The following NBPF4 variants were observed in gnomAD, a reference collection of about 807,000 sequenced individuals.
NBPF4 encodes the protein NBPF member 4, also known as NBPF family member NBPF4.
NBPF4 carries 11 observed loss-of-function variants against 21.1 expected under a neutral mutation model. That is an observed-to-expected ratio of 0.52 (90% CI 0.33 to 0.86). The LOEUF (loss-of-function observed/expected upper bound fraction) is 0.86, where lower values mean the gene tolerates loss of function less well. Ranked by LOEUF, NBPF4 falls within the 40% of genes least tolerant of loss-of-function variation. The pLI is 0.03. For synonymous variants in NBPF4, 47 were observed against 106.4 expected (o/e 0.44, Z 3.43); for missense variants, 88 against 265.3 (o/e 0.33, Z 4.64).
intron 14 of NBPF4, among the ~76,000 whole-genome samples, chr1:108,224,494 G>C (rs1303966877): frequency 6.9e-6 from 1 of 145,952 alleles, no homozygotes; most frequent in Admixed American, 7.0e-5. Flanking sequence ...CTGTTTCTTT[G>C]GTTGGTTAAA....
In NBPF4 at chr1:108,225,883, GGA is replaced by G. The variant is rs566195709; in HGVS notation, c.1875+794_1875+795del. On this transcript the variant is annotated intron_variant, in intron 14 of 14. Coordinates refer to ENST00000415641, the MANE Select transcript of NBPF4 (RefSeq NM_001143989.3). ...TGAAAAGTGGAAATGAGAATAAAAA[GGA>G]GAGAGGTTAGAATGACGTACCTCAT... Among the ~76,000 whole-genome samples, 7 of 66,506 alleles carry G rather than the reference GGA, an allele frequency of 1.1e-4. No homozygotes were observed. The Admixed American group carries it at 1.5e-3, about 14-fold the overall frequency. 43.6% of individuals were successfully genotyped at this position (66,506 alleles called of 152,430 possible). A position where few individuals can be genotyped will look rare whatever the true frequency, so the allele number is the denominator to read the frequency against.
At chr1:108,258,759 G>A in the NBPF4 span, among the ~76,000 whole-genome samples, 46 of 108,880 alleles carry the variant, frequency 4.2e-4, no homozygotes, top group South Asian at 2.9e-3. Context: ...TCCCATGTGC[G>A]TGTCTGTTTA....
the NBPF4 span, among the ~76,000 whole-genome samples, chr1:108,256,485 T>C: frequency 2.4e-5 from 3 of 125,284 alleles, no homozygotes; most frequent in South Asian, 3.4e-4. Flanking sequence ...TTCCTTCCTT[T>C]TTCTCTTTCT....
At chr1:108,229,185 C>A (rs550221758) in intron 12 of NBPF4, 29 bp from the exon 13 acceptor site, 19 of 1,482,770 alleles carry the variant, frequency 1.3e-5, no homozygotes, top group Non-Finnish European at 1.7e-5. Context: ...TCAGTAGGAA[C>A]AATCTCAGTT....
At chr1:108,228,896 T>C in intron 13 of NBPF4, 24 bp downstream of exon 13, 3 of 1,276,030 alleles carry the variant, frequency 2.4e-6, no homozygotes, top group Non-Finnish European at 3.3e-6. Context: ...GATTAGAGCT[T>C]CATGACGCCG....
the NBPF4 span, among the ~76,000 whole-genome samples, chr1:108,252,972 A>C: frequency 1.7e-4 from 6 of 34,324 alleles, 1 homozygote; most frequent in African/African-American, 8.3e-4. Flanking sequence ...TCCTAGCCAG[A>C]GCAATCAGGC....
the NBPF4 span, among the ~76,000 whole-genome samples, chr1:108,256,526 T>TCCCTC: frequency 9.7e-5 from 9 of 92,544 alleles, no homozygotes; most frequent in East Asian, 3.2e-4. Flanking sequence ...TCTCTTTCTC[T>TCCCTC]CCCTCCCCTC....
rs561956445 is a variant in NBPF4, at chr1:108,229,036, C to T, written c.1544G>A (p.Arg515Gln). 7.1e-6 allele frequency: 11 copies of T among 1,550,478 alleles called. No individual in the cohort carries two copies. The highest frequency in any genetic ancestry group is 4.9e-5 in the East Asian group (2 of 40,876). ...GTGGAACCCTTGATCCAGCTGTAGT[C>T]GCAGACAACTGGGCACCAGGGTGCT... ...EPSTLVPSCL[R>Q]LQLDQGFHCG... Residue 515 changes from arginine to glutamine, a missense_variant, in exon 13 of 15, where the codon CGA becomes CAA. By Grantham distance (43) the Arg-to-Gln change is conservative. Around this residue, in one of 4 missense-constraint regions of NBPF4, gnomAD observed 60 missense variants for 86.5 expected, o/e 0.69. Transcript: ENST00000415641.
chr1:108,267,117 A>AT, the NBPF4 span, among the ~76,000 whole-genome samples: 6 of 114,116 alleles, frequency 5.3e-5, no homozygotes, highest in African/African-American at 1.9e-4. Context: ...ATTCCTATTA[A>AT]TTTTTTTGTC....
chr1:108,229,014 G>A lies in NBPF4; in HGVS notation c.1566C>T (p.Phe522=). The A allele has an allele frequency of 6.5e-7, 1 of 1,547,396 alleles. No homozygotes were observed. Residue 522 remains phenylalanine, a synonymous_variant, in exon 13 of 15, where the codon TTC becomes TTT. Coordinates refer to ENST00000415641, the MANE Select transcript of NBPF4 (RefSeq NM_001143989.3). ...GCTGGGCCAAGCCGTTCCCACAGTG[G>A]AACCCTTGATCCAGCTGTAGTCGCA... is the stretch of plus-strand genomic sequence containing the variant. The part of the protein sequence containing the change: ...SCLRLQLDQG[F]HCGNGLAQRG...
intron 9 of NBPF4, among the ~76,000 whole-genome samples, chr1:108,234,959 T>C (rs1649665152): frequency 1.2e-5 from 1 of 82,354 alleles, no homozygotes; most frequent in African/African-American, 5.6e-5. Flanking sequence ...CTCAGGCTGG[T>C]TGACACCATA....
At position 108,223,534 on chromosome 1, in the gene NBPF4, T is replaced by A. The variant is rs1558038014; in HGVS notation, c.*171A>T. On this transcript the variant is annotated 3_prime_UTR_variant, in exon 15 of 15. Transcript: ENST00000415641. The stretch of plus-strand genomic sequence containing the variant: ...TGATCACAATTGGAGGGGGATGGAA[T>A]GTGGCTTCTCAAATCAAAGGAGCAT... 7.2e-6 allele frequency: 5 copies of A among 697,074 alleles called. No individual in the cohort carries two copies. Among genetic ancestry groups the A allele is most frequent in the Non-Finnish European group, 1.3e-5 (5 of 398,938 alleles). 43.2% of individuals were successfully genotyped at this position (697,074 alleles called of 1,614,324 possible). A position where few individuals can be genotyped will look rare whatever the true frequency, so the allele number is the denominator to read the frequency against.
the NBPF4 span, among the ~76,000 whole-genome samples, chr1:108,256,546 C>G: frequency 3.3e-5 from 3 of 90,762 alleles, no homozygotes; most frequent in South Asian, 5.1e-4. Context: ...CCCCTCCCCT[C>G]CCCTCCCCTG....
In NBPF4 at chr1:108,229,116, T is replaced by C. The variant is rs1434194457; in HGVS notation, c.1464A>G (p.Gly488=). Residue 488 remains glycine, a synonymous_variant, in exon 13 of 15, where the codon GGA becomes GGG. Transcript: ENST00000415641. The part of the protein sequence containing the change: ...EAACPQGTWS[G]DLSHHQSEVQ... ...CCTCTGACTGGTGGTGGCTCAAGTC[T>C]CCACTCCAAGTCCCTTGGGGACAGG... The C allele has an allele frequency of 1.9e-6, 3 of 1,551,018 alleles. No individual in the cohort carries two copies. The highest frequency in any genetic ancestry group is 3.9e-5 in the Admixed American group (2 of 50,966).
the NBPF4 span, among the ~76,000 whole-genome samples, chr1:108,253,804 C>T: frequency 7.5e-5 from 1 of 13,350 alleles, no homozygotes; most frequent in Non-Finnish European, 1.4e-4. Flanking sequence ...GTGATTTTGA[C>T]TGGCATTTCC....
At chr1:108,266,385 T>C in the NBPF4 span, among the ~76,000 whole-genome samples, 1 of 135,914 alleles carries the variant, frequency 7.4e-6, no homozygotes, top group African/African-American at 2.7e-5. Flanking sequence ...GCCTCCCAAA[T>C]TGCTGGGACT....
chr1:108,223,931 T>G (rs1207426185), intron 14 of NBPF4, among the ~76,000 whole-genome samples, 185 bp from the exon 15 acceptor site: 2 of 151,064 alleles, frequency 1.3e-5, no homozygotes, highest in Non-Finnish European at 2.9e-5. Flanking sequence ...AAGAAAACAC[T>G]CCTGAACTTC....
intron 3 of NBPF4, among the ~76,000 whole-genome samples, 195 bp from the exon 4 acceptor site, chr1:108,241,359 CACAT>C (rs1172422681): frequency 4.9e-5 from 7 of 142,278 alleles, no homozygotes; most frequent in African/African-American, 1.1e-4. Context: ...CACACACACA[CACAT>C]ACATATATAC....
At chr1:108,247,912 C>A (rs1649888847), upstream of NBPF4, among the ~76,000 whole-genome samples, 2 of 148,488 alleles carry the variant, frequency 1.3e-5, no homozygotes, top group African/African-American at 5.0e-5. Context: ...ATCCTGGGCA[C>A]AAGTGATCCT....
Sources: allele counts gnomAD v4.1 joint callset (sites outside exome capture counted in the v4.1 genomes callset), GRCh38; gene constraint gnomAD v4.1.1; regional missense constraint gnomAD v4.1.1; transcripts MANE v1.5; gene names NCBI Gene and HGNC (gene_info 2026-07-23, HGNC 2026-07-21).